FNDC1: variants seen among roughly 807,000 people sequenced by gnomAD.
FNDC1 encodes the protein fibronectin type III domain containing 1.
A neutral mutation model predicts 168.0 loss-of-function variants in FNDC1; 96 were observed. The observed-to-expected ratio is 0.57, with a 90% CI of 0.48 to 0.68. FNDC1 has a LOEUF of 0.68. Ranked by LOEUF, FNDC1 falls within the 30% of genes least tolerant of loss-of-function variation. The pLI is 0.00. For missense variants in FNDC1, 2,587 were observed against 2,482.1 expected, an observed-to-expected ratio of 1.04 and a Z score of -0.90; for synonymous variants, 1,099 against 1,025.9, an observed-to-expected ratio of 1.07 and a Z score of -1.36.
Position 159,236,315 on chromosome 6 carries a change from G to C in FNDC1, c.4068G>C (p.Trp1356Cys). The change falls in exon 12 of 23, where the codon TGG becomes TGC. Residue 1356 changes from tryptophan (W) to cysteine (C), a missense_variant and splice_region_variant. By Grantham distance (215) the Trp-to-Cys change is radical. Transcript: ENST00000297267. ...TCAATGGCCCTCAAGGAACAAAGTG[G>C]GTAGGGTAAACTTCTTTACACATCC... Reference protein sequence around the residue: ...RIINGPQGTKWVVDLDRGLVL... With the variant: ...RIINGPQGTKCVVDLDRGLVL... 1 of 1,610,004 alleles carries C rather than the reference G, an allele frequency of 6.2e-7. No individual in the cohort carries two copies. Among genetic ancestry groups the C allele is most frequent in the Non-Finnish European group, 8.5e-7 (1 of 1,176,674 alleles).
chr6:159,269,187 TCCA>T (rs1338054366), intron 22 of FNDC1, among the ~76,000 whole-genome samples: 1 of 150,950 alleles, frequency 6.6e-6, no homozygotes. Context: ...TATGTATCCA[TCCA>T]TTATCTACCT....
At chr6:159,269,978 C>T (rs1244949153) in intron 22 of FNDC1, among the ~76,000 whole-genome samples, 3 of 152,012 alleles carry the variant, frequency 2.0e-5, no homozygotes, top group Non-Finnish European at 4.4e-5. Flanking sequence ...TTGCTTGAGC[C>T]CAGGAGTTTG....
intron 1 of FNDC1, among the ~76,000 whole-genome samples, chr6:159,184,372 T>C (rs1781948707): frequency 6.6e-6 from 1 of 152,238 alleles, no homozygotes; most frequent in Admixed American, 6.5e-5. Context: ...TACAAACGGA[T>C]CCAAAACTTA....
chr6:159,188,746 CT>C (rs869093208), intron 1 of FNDC1, among the ~76,000 whole-genome samples: 4,726 of 126,518 alleles, frequency 0.037, 231 homozygotes, highest in African/African-American at 0.12. Flanking sequence ...TTAATTTTTA[CT>C]TTTTTTTTTT....
chr6:159,188,369 C>CTTTTTTT (rs61551779), intron 1 of FNDC1, among the ~76,000 whole-genome samples: 5 of 128,636 alleles, frequency 3.9e-5, no homozygotes, highest in Non-Finnish European at 6.8e-5. Flanking sequence ...CAATTTCTTT[C>CTTTTTTT]TTTTTTTTTT....
In FNDC1 at chr6:159,200,573, C is replaced by T; in HGVS notation, c.452C>T (p.Thr151Ile). 3 of 1,592,318 alleles carry T rather than the reference C, an allele frequency of 1.9e-6. No individual in the cohort carries two copies. The highest frequency in any genetic ancestry group is 2.6e-6 in the Non-Finnish European group (3 of 1,168,032). ...AAGGGTCCAGGACCATTTAATGAAACCGTCACAGGTACTACTTCCTCCTTC... is the reference window on the plus strand; with the variant it reads ...AAGGGTCCAGGACCATTTAATGAAATCGTCACAGGTACTACTTCCTCCTTC... ...PIKGPGPFNETVTEKEVPNKP... is the reference protein window; with the variant it reads ...PIKGPGPFNEIVTEKEVPNKP... Residue 151 changes from threonine (T) to isoleucine (I), a missense_variant, in exon 4 of 23, where the codon ACC (threonine) becomes ATC (isoleucine). Physicochemically the swap from Thr to Ile is moderately conservative, Grantham distance 89. Coordinates refer to ENST00000297267, the MANE Select transcript of FNDC1 (RefSeq NM_032532.3).
intron 1 of FNDC1, among the ~76,000 whole-genome samples, chr6:159,181,687 C>CA (rs1458263647): frequency 6.6e-6 from 1 of 152,198 alleles, no homozygotes; most frequent in Non-Finnish European, 1.5e-5. Context: ...GCCTGGCGGG[C>CA]ACACTTTGGT....
intron 6 of FNDC1, among the ~76,000 whole-genome samples, chr6:159,223,322 T>G (rs1306931673): frequency 6.6e-6 from 1 of 151,858 alleles, no homozygotes; most frequent in African/African-American, 2.4e-5. Flanking sequence ...AGCCTGTATT[T>G]AAGAAATGCA....
Position 159,233,354 on chromosome 6 carries a change from AAG to A in FNDC1, c.2843_2844del (p.Lys948SerfsTer241). ...PQGKYSSLAS[K>X]AQDVQQSTDA... ...GGGCAAGTACTCCTCCCTGGCCTCC[AAG>A]GCTCAGGATGTTCAACAGAGCACAG... On this transcript the variant is annotated frameshift_variant, in exon 11 of 23. Coordinates refer to ENST00000297267, the MANE Select transcript of FNDC1 (RefSeq NM_032532.3). LOFTEE classifies it high-confidence loss of function. This position sits in a 1 kb window ranked among gnomAD's most constrained non-coding sequence, Gnocchi z 4.6. 1.2e-6 allele frequency: 2 copies of A among 1,613,922 alleles called. No homozygotes were observed. Among genetic ancestry groups the A allele is most frequent in the Non-Finnish European group, 1.7e-6 (2 of 1,179,848 alleles).
chr6:159,208,424 A>G (rs1310592358), intron 4 of FNDC1, among the ~76,000 whole-genome samples: 1 of 152,190 alleles, frequency 6.6e-6, no homozygotes, highest in African/African-American at 2.4e-5. Context: ...ATACAAATTG[A>G]GAGCCATATC....
intron 22 of FNDC1, among the ~76,000 whole-genome samples, chr6:159,269,285 T>TATCC (rs1777671109): frequency 4.3e-5 from 2 of 46,966 alleles, no homozygotes; most frequent in South Asian, 8.2e-4. Flanking sequence ...TCTATCTATC[T>TATCC]ATCTATCCAT....
intron 22 of FNDC1, among the ~76,000 whole-genome samples, chr6:159,268,837 T>C (rs1213754810): frequency 4.2e-5 from 1 of 23,740 alleles, no homozygotes; most frequent in South Asian, 1.5e-3. Context: ...TCTATCTATC[T>C]ATCTATCTAT....
intron 18 of FNDC1, among the ~76,000 whole-genome samples, chr6:159,259,528 G>A (rs1777437743): frequency 1.3e-5 from 2 of 152,274 alleles, no homozygotes; most frequent in African/African-American, 4.8e-5. Context: ...CCTTGACGTT[G>A]ACTACTCAGC....
Position 159,200,443 on chromosome 6 carries a change from G to A in FNDC1, c.392-70G>A, listed in dbSNP as rs923066623. On this transcript the variant is annotated intron_variant, in intron 3 of 22. Transcript: ENST00000297267. ...AAAAGATCATTTAATTATACATTATGGATGCACTGTAATGTGGAAAACCCA... is the reference window on the plus strand; with the variant it reads ...AAAAGATCATTTAATTATACATTATAGATGCACTGTAATGTGGAAAACCCA... 53 of 1,107,456 alleles carry A rather than the reference G, an allele frequency of 4.8e-5. No homozygotes were observed. In the African/African-American group the frequency reaches 6.7e-4, roughly 14 times the overall value. The allele number at this position is 1,107,456 out of a possible 1,614,324, so 68.6% of individuals were successfully genotyped here.
chr6:159,209,129 G>A (rs1318861537), intron 4 of FNDC1, among the ~76,000 whole-genome samples: 1 of 152,136 alleles, frequency 6.6e-6, no homozygotes, highest in Non-Finnish European at 1.5e-5. Flanking sequence ...TTACAGCCGT[G>A]AGCCACCATG....
At chr6:159,170,003 A>G (rs1781618230) in intron 1 of FNDC1, 1 of 174,372 alleles carries the variant, frequency 5.7e-6, no homozygotes, top group Non-Finnish European at 1.2e-5. Context: ...AAAGGAAAAG[A>G]AAGGCGACTT....
chr6:159,209,054 T>C (rs1437796667), intron 4 of FNDC1, among the ~76,000 whole-genome samples: 1 of 151,978 alleles, frequency 6.6e-6, no homozygotes, highest in African/African-American at 2.4e-5. Context: ...TCCATGTTGG[T>C]CAGGCTGGTC....
chr6:159,210,105 G>C (rs533644524), intron 4 of FNDC1, among the ~76,000 whole-genome samples: 1 of 152,214 alleles, frequency 6.6e-6, no homozygotes, highest in Non-Finnish European at 1.5e-5. Flanking sequence ...CTCTGTAAGC[G>C]GGGCACATGC....
chr6:159,187,009 C>T (rs12210751), intron 1 of FNDC1, among the ~76,000 whole-genome samples: 15,459 of 152,186 alleles, frequency 0.1, 823 homozygotes, highest in African/African-American at 0.11. Flanking sequence ...TGGTGACAAC[C>T]ACGGGGAATT....
Sources: allele counts gnomAD v4.1 joint callset (sites outside exome capture counted in the v4.1 genomes callset), GRCh38; gene constraint gnomAD v4.1.1; non-coding constraint Gnocchi (gnomAD v3.1); transcripts MANE v1.5; gene names NCBI Gene and HGNC (gene_info 2026-07-23, HGNC 2026-07-21).